The following MTPAP variants were observed in gnomAD, a reference collection of about 807,000 sequenced individuals.
The protein encoded by MTPAP is mitochondrial poly(A) polymerase, also known as poly(A) RNA polymerase, mitochondrial.
In MTPAP, 23 loss-of-function variants were observed where a neutral mutation model predicts 48.7. That is an observed-to-expected ratio of 0.47 (90% CI 0.34 to 0.67). The LOEUF is 0.67. Among genes scored for constraint, MTPAP ranks in the 30% least tolerant of loss-of-function variants. MTPAP has a pLI of 0.01. For synonymous variants in MTPAP, 257 were observed against 254.1 expected, an observed-to-expected ratio of 1.01 and a Z score of -0.11; for missense variants, 614 against 694.3, an observed-to-expected ratio of 0.88 and a Z score of 1.30.
chr10:30,339,991 T>C (rs971255857), intron 3 of MTPAP: 3 of 542,022 alleles, frequency 5.5e-6, no homozygotes, highest in Non-Finnish European at 9.9e-6. Flanking sequence ...AAACTCAACA[T>C]CTACTCAATG....
chr10:30,313,716 T>A lies in MTPAP; in HGVS notation c.1642A>T (p.Lys548Ter). Residue 548 changes from lysine (K) to a stop codon, truncating the protein, a stop_gained, in exon 9 of 9, where the codon AAG becomes TAG. Transcript: ENST00000263063. LOFTEE classifies it low-confidence loss of function (END_TRUNC). ...RKSFTKKKSN[K>*]FAIETVKNLL... ...TTTTTGACTGTTTCAATTGCAAACT[T>A]ATTGCTTTTCTTCTTGGTAAAGGAC... is the stretch of plus-strand genomic sequence containing the variant. 6.2e-7 allele frequency: 1 copy of A among 1,614,238 alleles called. No individual in the cohort carries two copies. The highest frequency in any genetic ancestry group is 8.5e-7 in the Non-Finnish European group (1 of 1,180,030).
chr10:30,322,947 G>A (rs1248017386), intron 5 of MTPAP, among the ~76,000 whole-genome samples: 1 of 151,522 alleles, frequency 6.6e-6, no homozygotes, highest in Non-Finnish European at 1.5e-5. Context: ...GGACAACGAG[G>A]TGAAACCCCT....
intron 1 of MTPAP, among the ~76,000 whole-genome samples, chr10:30,347,158 C>A (rs1033237291): frequency 3.3e-5 from 5 of 152,182 alleles, no homozygotes; most frequent in African/African-American, 1.2e-4. Context: ...TGTCTTTCTA[C>A]TACAGCTCTT....
At chr10:30,344,283 C>T (rs1463070927) in intron 1 of MTPAP, among the ~76,000 whole-genome samples, 1 of 152,144 alleles carries the variant, frequency 6.6e-6, no homozygotes, top group African/African-American at 2.4e-5. Context: ...TGTCTTCTTC[C>T]TTCTGGTTGG....
intron 2 of MTPAP, among the ~76,000 whole-genome samples, chr10:30,340,657 G>A (rs529674790): frequency 6.6e-6 from 1 of 152,126 alleles, no homozygotes; most frequent in Non-Finnish European, 1.5e-5. Flanking sequence ...AGTGGCTCAC[G>A]CTTGTAATCC....
Position 30,341,217 on chromosome 10 carries a change from G to A in MTPAP, c.330+251C>T, listed in dbSNP as rs7893864. Among the ~76,000 whole-genome samples, 4,103 of 152,114 alleles carry A rather than the reference G, an allele frequency of 0.027. 170 individuals carry two copies. Among genetic ancestry groups the A allele is most frequent in the African/African-American group, 0.087 (3,621 of 41,476 alleles). On this transcript the variant is annotated intron_variant, in intron 2 of 8. Coordinates refer to ENST00000263063, the MANE Select transcript of MTPAP (RefSeq NM_018109.4). ...AGCATAGGCCACATAGTTGGACCCC[G>A]TCTCTTAAAAAATAAAATTAAGCAT...
rs540859927 is a variant in MTPAP, at chr10:30,336,041, A to C, written c.780+762T>G. 1.8e-3 allele frequency among the ~76,000 whole-genome samples: 279 copies of C among 152,268 alleles called. 1 individual carries two copies. Among genetic ancestry groups the C allele is most frequent in the African/African-American group, 5.6e-3 (231 of 41,562 alleles). ...AATAAATAAATAAAAGAAAGTGAAA[A>C]GCAAAAGCACAGAAAATAGGAAATA... On this transcript the variant is annotated intron_variant, in intron 4 of 8. Transcript: ENST00000263063.
chr10:30,319,176 C>T (rs1253637816), intron 6 of MTPAP, among the ~76,000 whole-genome samples: 2 of 152,076 alleles, frequency 1.3e-5, no homozygotes, highest in Non-Finnish European at 2.9e-5. Flanking sequence ...AAGCTCCCAA[C>T]TGGTATACAG....
In MTPAP at chr10:30,341,531, G is replaced by C. The variant is rs1834806625; in HGVS notation, c.267C>G (p.Asn89Lys). The C allele has an allele frequency of 1.9e-6, 3 of 1,613,804 alleles. No homozygotes were observed. Among genetic ancestry groups the C allele is most frequent in the African/African-American group, 1.3e-5 (1 of 74,908 alleles). The change falls in exon 2 of 9, where the codon AAC becomes AAG. Residue 89 changes from asparagine to lysine, a missense_variant. Around this residue, in one of 5 missense-constraint regions of MTPAP, gnomAD observed 125 missense variants for 111.5 expected, o/e 1.12. Coordinates refer to ENST00000263063, the MANE Select transcript of MTPAP (RefSeq NM_018109.4). ...ATTGGGATAAATATTTAAGAAACTT[G>C]TTTTCACTGATTTTCTCTGGGCAAT... ...LIHCPEKISE[N>K]KFLKYLSQFG...
At chr10:30,337,446 A>C (rs1039910327) in intron 3 of MTPAP, among the ~76,000 whole-genome samples, 2 of 151,584 alleles carry the variant, frequency 1.3e-5, no homozygotes, top group Non-Finnish European at 2.9e-5. Flanking sequence ...CTCTTTAAAA[A>C]CCACTGAGAA....
chr10:30,348,117 C>T (rs1427794901), intron 1 of MTPAP, among the ~76,000 whole-genome samples: 1 of 152,098 alleles, frequency 6.6e-6, no homozygotes, highest in African/African-American at 2.4e-5. Flanking sequence ...ATTACAATAG[C>T]TTTTTTGGCA....
Position 30,344,902 on chromosome 10 carries a change from C to T in MTPAP, c.158-3262G>A, listed in dbSNP as rs747697011. ...TATTTTTAGTAGAGAAGGAGTTTCACCATGTTGGTCCGGCTGCTCTTGAAC... is the reference window on the plus strand; with the variant it reads ...TATTTTTAGTAGAGAAGGAGTTTCATCATGTTGGTCCGGCTGCTCTTGAAC... On this transcript the variant is annotated intron_variant, in intron 1 of 8. Coordinates refer to ENST00000263063, the MANE Select transcript of MTPAP (RefSeq NM_018109.4). Among the ~76,000 whole-genome samples, 221 of 152,102 alleles carry T rather than the reference C, an allele frequency of 1.5e-3. 3 individuals carry two copies. Among genetic ancestry groups the T allele is most frequent in the Admixed American group, 5.9e-4 (9 of 15,260 alleles).
At chr10:30,315,485 T>C (rs1362325524) in intron 8 of MTPAP, among the ~76,000 whole-genome samples, 1 of 130,746 alleles carries the variant, frequency 7.6e-6, no homozygotes, top group Non-Finnish European at 1.6e-5. Context: ...GAAATCCAAA[T>C]CGTAAGTTCA....
At chr10:30,335,334 A>C (rs1017576930) in intron 4 of MTPAP, among the ~76,000 whole-genome samples, 1 of 151,942 alleles carries the variant, frequency 6.6e-6, no homozygotes, top group African/African-American at 2.4e-5. Flanking sequence ...TAAAACAAAA[A>C]AATTAGCCGG....
chr10:30,324,730 G>A (rs966974800), intron 5 of MTPAP, among the ~76,000 whole-genome samples: 2 of 152,104 alleles, frequency 1.3e-5, no homozygotes, highest in East Asian at 1.9e-4. Flanking sequence ...AAGGCCAGGC[G>A]TGGCGGCTCA....
At position 30,310,155 on chromosome 10, in the gene MTPAP, T is replaced by C. The variant is rs982493825; in HGVS notation, c.*3454A>G. The C allele has an allele frequency of 1.3e-5, 2 of 152,244 alleles. No homozygotes were observed. Among genetic ancestry groups the C allele is most frequent in the African/African-American group, 4.8e-5 (2 of 41,480 alleles). 9.4% of individuals were successfully genotyped at this position (152,244 alleles called of 1,614,324 possible). A position where few individuals can be genotyped will look rare whatever the true frequency, so the allele number is the denominator to read the frequency against. On this transcript the variant is annotated 3_prime_UTR_variant, in exon 9 of 9. Coordinates refer to ENST00000263063, the MANE Select transcript of MTPAP (RefSeq NM_018109.4). ...ATTATTTTTAATTAAGAAACAGCAA[T>C]GACAAATAATTGCTAGTTATCACTA...
intron 4 of MTPAP, among the ~76,000 whole-genome samples, chr10:30,335,078 G>A (rs1834712468): frequency 6.6e-6 from 1 of 152,216 alleles, no homozygotes; most frequent in Admixed American, 6.5e-5. Context: ...AATATAAGTT[G>A]TCTCAAAATA....
chr10:30,314,884 CAAAA>C (rs34249388), intron 8 of MTPAP, among the ~76,000 whole-genome samples: 27 of 110,752 alleles, frequency 2.4e-4, no homozygotes, highest in African/African-American at 8.4e-4. Context: ...AAAACAAAAA[CAAAA>C]AAAAAAAAAA....
chr10:30,328,350 G>A (rs541135805), intron 4 of MTPAP, among the ~76,000 whole-genome samples: 1 of 152,332 alleles, frequency 6.6e-6, no homozygotes, highest in East Asian at 1.9e-4. Flanking sequence ...CTGTTGATGG[G>A]AGTGTAAACA....
Sources: gnomAD v4.1 joint callset for allele counts (sites outside exome capture counted in the v4.1 genomes callset) on GRCh38, gnomAD v4.1.1 for gene constraint, gnomAD v4.1.1 regional missense constraint, MANE v1.5 for transcripts, NCBI Gene and HGNC (gene_info 2026-07-23, HGNC 2026-07-21) for gene names.